Variants in RHEX observed in about 807,000 individuals in gnomAD.
RHEX encodes the protein regulator of hemoglobinization and erythroid cell expansion protein.
RHEX carries 18 observed loss-of-function variants against 20.1 expected under a neutral mutation model. The observed-to-expected ratio is 0.90, with a 90% CI of 0.62 to 1.33. The LOEUF (loss-of-function observed/expected upper bound fraction) is 1.33. RHEX is among the 40% of genes most tolerant of loss of function. The pLI, the probability that RHEX is intolerant of heterozygous loss-of-function variation, is 0.00. For missense variants in RHEX, 192 were observed against 214.3 expected, an observed-to-expected ratio of 0.90 and a Z score of 0.65; for synonymous variants, 87 against 77.1, an observed-to-expected ratio of 1.13 and a Z score of -0.67.
At position 206,101,743 on chromosome 1, in the gene RHEX, TCTC is replaced by T; in HGVS notation, c.319-6_319-4del. ...ATCTTGACCCACATGTCTCTGCTTT[TCTC>T]CTAAGGCCACAGAGGATGTGGATTA... On this transcript the variant is annotated splice_polypyrimidine_tract_variant and splice_region_variant and intron_variant, in intron 5 of 5. Transcript: ENST00000331555. The T allele has an allele frequency of 1.2e-6, 2 of 1,609,112 alleles. No homozygotes were observed. Among genetic ancestry groups the T allele is most frequent in the Non-Finnish European group, 8.5e-7 (1 of 1,177,178 alleles).
chr1:206,080,470 G>C (rs1448491025), intron 1 of RHEX: 4 of 152,242 alleles, frequency 2.6e-5, no homozygotes, highest in Non-Finnish European at 4.4e-5. Flanking sequence ...TGCACAGAGT[G>C]GGGAGGCTTG....
chr1:206,065,380 T>G (rs1553284075), intron 1 of RHEX, among the ~76,000 whole-genome samples: 1 of 152,072 alleles, frequency 6.6e-6, no homozygotes, highest in Non-Finnish European at 1.5e-5. Flanking sequence ...GGTTAAACCC[T>G]CATAACAAAA....
At chr1:206,065,101 C>T (rs1553284027) in intron 1 of RHEX, among the ~76,000 whole-genome samples, 1 of 151,922 alleles carries the variant, frequency 6.6e-6, no homozygotes, top group African/African-American at 2.4e-5. Flanking sequence ...GAGTCATCAC[C>T]ACTCCCCAGT....
intron 1 of RHEX, among the ~76,000 whole-genome samples, chr1:206,082,206 T>C (rs1178921773): frequency 2.6e-5 from 4 of 152,150 alleles, no homozygotes; most frequent in Non-Finnish European, 5.9e-5. Flanking sequence ...GCTTTCTGAC[T>C]TGCATTTAGA....
chr1:206,062,974 T>G (rs1662334451), intron 1 of RHEX, among the ~76,000 whole-genome samples: 1 of 152,106 alleles, frequency 6.6e-6, no homozygotes, highest in Non-Finnish European at 1.5e-5. Context: ...ACACACAAAA[T>G]GTCAGATGGT....
chr1:206,065,663 G>A (rs1159731743), intron 1 of RHEX, among the ~76,000 whole-genome samples: 3 of 152,192 alleles, frequency 2.0e-5, no homozygotes, highest in Non-Finnish European at 2.9e-5. Flanking sequence ...GAGAGGATAG[G>A]GACAGGAAAG....
rs113173000 is a variant in RHEX at position 206,086,475 on chromosome 1, G to A, written c.-96-11258G>A. Among the ~76,000 whole-genome samples, 172 of 152,020 alleles carry A rather than the reference G, an allele frequency of 1.1e-3. 1 individual carries two copies. The highest frequency in any genetic ancestry group is 4.1e-3 in the African/African-American group (168 of 41,462). On this transcript the variant is annotated intron_variant, in intron 1 of 5. Coordinates refer to ENST00000331555, the MANE Select transcript of RHEX (RefSeq NM_001007544.4). ...TGTGATTACAGGTGTGAGCCACCAC[G>A]CCCGGCCAGCATTTTCAATACTGAA...
In RHEX at chr1:206,055,477, GA is replaced by G. The variant is rs201424162; in HGVS notation, c.-97+2222del. Among the ~76,000 whole-genome samples the G allele has an allele frequency of 9.1e-3, 1,362 of 150,164 alleles. 23 individuals are homozygous for G. Among genetic ancestry groups the G allele is most frequent in the South Asian group, 0.041 (197 of 4,786 alleles). The stretch of plus-strand genomic sequence containing the variant: ...CTGGCATTTCATCAACCAGAGGAAG[GA>G]AAAAAAAAATAATAAGACATCGTAA... On this transcript the variant is annotated intron_variant, in intron 1 of 5. Transcript: ENST00000331555.
chr1:206,064,184 C>T (rs1416958747), intron 1 of RHEX, among the ~76,000 whole-genome samples: 1 of 136,750 alleles, frequency 7.3e-6, no homozygotes, highest in Non-Finnish European at 1.6e-5. Context: ...AGTTAGGAGC[C>T]TCTCCGCCCG....
At chr1:206,083,431 AG>A (rs1662776373) in intron 1 of RHEX, 1 of 870,472 alleles carries the variant, frequency 1.1e-6, no homozygotes, top group African/African-American at 1.8e-5. Flanking sequence ...AAGAGACAGG[AG>A]GCATTATCTC....
At chr1:206,077,285 GC>G (rs1435999168) in intron 1 of RHEX, among the ~76,000 whole-genome samples, 1 of 152,146 alleles carries the variant, frequency 6.6e-6, no homozygotes, top group Non-Finnish European at 1.5e-5. Context: ...CTTTATATAT[GC>G]AAAATATATA....
At chr1:206,074,486 T>G (rs1662595060) in intron 1 of RHEX, among the ~76,000 whole-genome samples, 2 of 152,338 alleles carry the variant, frequency 1.3e-5, no homozygotes, top group African/African-American at 4.8e-5. Flanking sequence ...AATATTAGCC[T>G]TATGAGATAG....
chr1:206,087,395 A>C (rs139520752), intron 1 of RHEX, among the ~76,000 whole-genome samples: 18 of 152,178 alleles, frequency 1.2e-4, no homozygotes, highest in Admixed American at 7.2e-4. Flanking sequence ...TTCCCTGAAC[A>C]TTCTGTCTCT....
chr1:206,094,354 C>A (rs782080080), intron 1 of RHEX, among the ~76,000 whole-genome samples: 30 of 152,156 alleles, frequency 2.0e-4, no homozygotes, highest in Non-Finnish European at 4.0e-4. Context: ...GATCTTATCT[C>A]CAAACTGTAC....
chr1:206,072,098 C>T (rs1399199152), intron 1 of RHEX, among the ~76,000 whole-genome samples: 1 of 151,944 alleles, frequency 6.6e-6, no homozygotes, highest in Non-Finnish European at 1.5e-5. Context: ...TCTTTCATGC[C>T]GCCCCTAATT....
chr1:206,099,601 G>A, intron 3 of RHEX, 54 bp from the exon 4 acceptor site: 3 of 1,573,384 alleles, frequency 1.9e-6, no homozygotes, highest in South Asian at 1.2e-5. Flanking sequence ...TTACAGGCAT[G>A]AGCTACTGCG....
At chr1:206,073,226 C>T (rs1187644138) in intron 1 of RHEX, among the ~76,000 whole-genome samples, 1 of 152,038 alleles carries the variant, frequency 6.6e-6, no homozygotes, top group Non-Finnish European at 1.5e-5. Flanking sequence ...CTGTCCTGGC[C>T]CTTTGCCCTC....
At chr1:206,097,712 C>G (rs1553287859) in intron 1 of RHEX, 21 bp from the exon 2 acceptor site, 26 of 1,557,806 alleles carry the variant, frequency 1.7e-5, no homozygotes, top group Non-Finnish European at 2.2e-5. Context: ...GGAGTCCTGA[C>G]CAGCTCCTTA....
chr1:206,084,018 C>T, intron 1 of RHEX, among the ~76,000 whole-genome samples: 1 of 152,334 alleles, frequency 6.6e-6, no homozygotes, highest in East Asian at 1.9e-4. Flanking sequence ...AGGGTTGCTA[C>T]ATGGATTCAG....
Sources: gnomAD v4.1 joint callset for allele counts (sites outside exome capture counted in the v4.1 genomes callset) on GRCh38, gnomAD v4.1.1 for gene constraint, MANE v1.5 for transcripts, NCBI Gene and HGNC (gene_info 2026-07-23, HGNC 2026-07-21) for gene names.